The following BOC variants were observed in gnomAD, a reference collection of about 807,000 sequenced individuals.
BOC encodes BOC cell adhesion associated, oncogene regulated, also known as brother of CDO.
In BOC, 76 loss-of-function variants were observed where a neutral mutation model predicts 112.0. That is an observed-to-expected ratio of 0.68 (90% confidence interval 0.56 to 0.82). The LOEUF is 0.82. Among genes scored for constraint, BOC ranks in the 40% least tolerant of loss-of-function variants. BOC has a pLI of 0.00. For missense variants in BOC, 1,309 were observed against 1,511.7 expected, an observed-to-expected ratio of 0.87 and a Z score of 2.22; for synonymous variants, 580 against 599.8, an observed-to-expected ratio of 0.97 and a Z score of 0.48.
At chr3:113,284,215 T>A (rs1949462043) in intron 16 of BOC, 120 bp from the exon 17 acceptor site, 2 of 805,434 alleles carry the variant, frequency 2.5e-6, no homozygotes, top group Non-Finnish European at 4.2e-6. Flanking sequence ...CACTGTCAAC[T>A]CCCTGCCTAC....
At position 113,285,505 on chromosome 3, in the gene BOC, G is replaced by A. The variant is rs1949594399; in HGVS notation, c.3100G>A (p.Val1034Met). The change falls in exon 19 of 20, where the codon GTG becomes ATG. Residue 1034 changes from valine to methionine, a missense_variant. Val to Met is a conservative substitution (Grantham distance 21). Coordinates refer to ENST00000682979, the MANE Select transcript of BOC (RefSeq NM_001378074.1). ...GCCTGCTGCTGTGGGCCAGTCAGGG[G>A]TGAGGAGAGCCCCCGACAGTCCTGT... Reference protein sequence around the residue: ...EQPAAVGQSGVRRAPDSPVLE... With the variant: ...EQPAAVGQSGMRRAPDSPVLE... 6.2e-7 allele frequency: 1 copy of A among 1,613,662 alleles called. No individual in the cohort carries two copies. The highest frequency in any genetic ancestry group is 1.3e-5 in the African/African-American group (1 of 75,072).
chr3:113,277,948 G>C, intron 9 of BOC, 147 bp from the exon 10 acceptor site: 1 of 1,021,708 alleles, frequency 9.8e-7, no homozygotes, highest in Non-Finnish European at 1.4e-6. Flanking sequence ...GGGCCAGTCC[G>C]AGGCTGTGCC....
At chr3:113,286,641 G>C in intron 19 of BOC, 34 bp from the exon 20 acceptor site, 1 of 1,507,526 alleles carries the variant, frequency 6.6e-7, no homozygotes, top group East Asian at 2.4e-5. Flanking sequence ...CGGTCAATCT[G>C]GATTTTAATG....
chr3:113,284,257 T>C, intron 16 of BOC, 78 bp from the exon 17 acceptor site: 3 of 1,244,708 alleles, frequency 2.4e-6, no homozygotes, highest in Non-Finnish European at 3.5e-6. Context: ...AGGAGCCTCC[T>C]GAGATCCTTG....
chr3:113,236,638 G>T (rs918788789), intron 2 of BOC, among the ~76,000 whole-genome samples: 23 of 151,964 alleles, frequency 1.5e-4, no homozygotes, highest in Non-Finnish European at 2.8e-4. Context: ...TGTTATCCAT[G>T]TAACAAAACT....
chr3:113,235,957 G>A (rs1160731942), intron 2 of BOC, among the ~76,000 whole-genome samples: 3 of 151,948 alleles, frequency 2.0e-5, no homozygotes. Flanking sequence ...CTTATATACT[G>A]TTGTTGGAAA....
At chr3:113,283,202 T>A (rs1422159775) in intron 15 of BOC, among the ~76,000 whole-genome samples, 1 of 152,160 alleles carries the variant, frequency 6.6e-6, no homozygotes, top group Non-Finnish European at 1.5e-5. Context: ...AATATAAGGC[T>A]CAGGTCTCCG....
chr3:113,241,563 C>A (rs1944298845), intron 2 of BOC, among the ~76,000 whole-genome samples: 1 of 151,982 alleles, frequency 6.6e-6, no homozygotes, highest in Non-Finnish European at 1.5e-5. Context: ...GTACCAGGAC[C>A]TTTTGAAAGG....
chr3:113,250,933 A>G, intron 4 of BOC, 100 bp downstream of exon 4: 1 of 1,443,072 alleles, frequency 6.9e-7, no homozygotes, highest in Non-Finnish European at 9.4e-7. Flanking sequence ...TACTCTTAGC[A>G]TAAAATGGGC....
chr3:113,242,152 T>C (rs1237909340), intron 2 of BOC, among the ~76,000 whole-genome samples: 2 of 151,046 alleles, frequency 1.3e-5, no homozygotes, highest in Admixed American at 1.3e-4. Context: ...AGAACGGCCT[T>C]CTAGGAGTGT....
chr3:113,228,823 G>A lies in BOC; in HGVS notation c.-82+12549G>A, dbSNP rs530636079. ...TTCCCCTCTGATCTGATCCCAGGGT[G>A]TAGCAGAGGCCTCAGGCAGGGTGCC... is the stretch of plus-strand genomic sequence containing the variant. On this transcript the variant is annotated intron_variant, in intron 2 of 19. Coordinates refer to ENST00000682979, the MANE Select transcript of BOC (RefSeq NM_001378074.1). Among the ~76,000 whole-genome samples the A allele has an allele frequency of 2.6e-5, 4 of 152,192 alleles. No homozygotes were observed. In the South Asian group the frequency reaches 8.3e-4, roughly 32 times the overall value.
chr3:113,249,732 G>A lies in BOC; in HGVS notation c.-71G>A, dbSNP rs186586354. The A allele has an allele frequency of 4.3e-5, 55 of 1,293,676 alleles. No individual in the cohort carries two copies. The highest frequency in any genetic ancestry group is 2.4e-5 in the Non-Finnish European group (22 of 918,980). The allele number at this position is 1,293,676 out of a possible 1,614,324, so 80.1% of individuals were successfully genotyped here. On this transcript the variant is annotated 5_prime_UTR_variant, in exon 3 of 20. Coordinates refer to ENST00000682979, the MANE Select transcript of BOC (RefSeq NM_001378074.1). ...TCTCTCTTACAACAGAGTGTTGCCA[G>A]GGACGGCAGTATCTCTTTGTGTGAC... is the stretch of plus-strand genomic sequence containing the variant.
chr3:113,214,649 C>T (rs1388865832), intron 1 of BOC, among the ~76,000 whole-genome samples: 1 of 152,226 alleles, frequency 6.6e-6, no homozygotes, highest in East Asian at 1.9e-4. Flanking sequence ...CCTCCAAACT[C>T]TAAGCCCTCT....
rs760973966 is a variant in BOC, at chr3:113,270,905, G to T, written c.628G>T (p.Val210Leu). ...AGCCTACAACCCAGTGACCCAGGAA[G>T]TGAAAACCTCCGGCTCCAGCGACAG... is the stretch of plus-strand genomic sequence containing the variant. ...CAAYNPVTQE[V>L]KTSGSSDRLR... The change falls in exon 6 of 20, where the codon GTG becomes TTG. Residue 210 changes from valine to leucine, a missense_variant. By Grantham distance (32) the Val-to-Leu change is conservative. Coordinates refer to ENST00000682979, the MANE Select transcript of BOC (RefSeq NM_001378074.1). 2 of 1,614,250 alleles carry T rather than the reference G, an allele frequency of 1.2e-6. No individual in the cohort carries two copies. Among genetic ancestry groups the T allele is most frequent in the Non-Finnish European group, 1.7e-6 (2 of 1,180,050 alleles).
chr3:113,214,172 T>G (rs1046978385), intron 1 of BOC, among the ~76,000 whole-genome samples: 4 of 152,222 alleles, frequency 2.6e-5, no homozygotes, highest in Non-Finnish European at 4.4e-5. Context: ...AGGACTCTGC[T>G]TAGCTGTTAA....
chr3:113,223,030 A>G (rs994677025), intron 2 of BOC, among the ~76,000 whole-genome samples: 5 of 152,204 alleles, frequency 3.3e-5, no homozygotes, highest in African/African-American at 1.2e-4. Flanking sequence ...CCAGAGGGGG[A>G]CAGATCTGAC....
chr3:113,238,582 C>T (rs1943874491), intron 2 of BOC, among the ~76,000 whole-genome samples: 1 of 152,122 alleles, frequency 6.6e-6, no homozygotes, highest in Non-Finnish European at 1.5e-5. Context: ...ATTTTAATAG[C>T]TACGTAATAG....
In BOC at chr3:113,249,873, C is replaced by A; in HGVS notation, c.71C>A (p.Ala24Asp). The A allele has an allele frequency of 6.2e-7, 1 of 1,613,582 alleles. No individual in the cohort carries two copies. ...GTCACACTGGCTTGCCTCCTCCTAG[C>A]CACAGCAGGCTGCTTTGCTGACTTG... ...PEVTLACLLL[A>D]TAGCFADLNE... Residue 24 changes from alanine to aspartate, a missense_variant, in exon 3 of 20, where the codon GCC (alanine) becomes GAC (aspartate). By Grantham distance (126) the Ala-to-Asp change is moderately radical. Coordinates refer to ENST00000682979, the MANE Select transcript of BOC (RefSeq NM_001378074.1).
At chr3:113,265,608 G>GT (rs1431172668) in intron 4 of BOC, among the ~76,000 whole-genome samples, 1 of 152,204 alleles carries the variant, frequency 6.6e-6, no homozygotes, top group Non-Finnish European at 1.5e-5. Context: ...AGTTACCGAT[G>GT]TTTAGCTAGA....
Sources: allele counts gnomAD v4.1 joint callset (sites outside exome capture counted in the v4.1 genomes callset), GRCh38; gene constraint gnomAD v4.1.1; transcripts MANE v1.5; gene names NCBI Gene and HGNC (gene_info 2026-07-23, HGNC 2026-07-21).